The following RTL4 variants were observed in gnomAD, a reference collection of about 807,000 sequenced individuals.
The protein encoded by RTL4 is retrotransposon Gag like 4, also known as retrotransposon Gag-like protein 4.
A neutral mutation model predicts 5.3 loss-of-function variants in RTL4; 4 were observed. The ratio of observed to expected loss-of-function variants is 0.75; its 90% CI spans 0.37 to 1.72. The LOEUF is 1.72. Among genes scored for constraint, RTL4 ranks in the 40% most tolerant of loss-of-function variants. The pLI, the probability that RTL4 is intolerant of heterozygous loss-of-function variation, is 0.04. For missense variants in RTL4, 260 were observed against 227.1 expected (o/e 1.14, Z -0.93); for synonymous variants, 98 against 87.3 (o/e 1.12, Z -0.68).
the RTL4 span, among the ~76,000 whole-genome samples, chrX:112,283,246 C>T: frequency 8.9e-6 from 1 of 111,929 alleles, no homozygotes; most frequent in African/African-American, 3.2e-5. Context: ...ATTCAAATAT[C>T]TATGCTGCCA....
At chrX:112,454,886 C>T (rs199740897) in exon 1 of RTL4, 5 of 1,210,887 alleles carry the variant, frequency 4.1e-6, no homozygotes, top group Middle Eastern at 4.6e-4. Context: ...ACAGTGATGC[C>T]TGTACCATAC....
chrX:112,165,135 A>C, the RTL4 span, among the ~76,000 whole-genome samples: 1 of 111,853 alleles, frequency 8.9e-6, no homozygotes. Context: ...TCGCGCGGTC[A>C]TGGCTATCCT....
chrX:112,442,281 T>A, the RTL4 span, among the ~76,000 whole-genome samples: 1 of 108,316 alleles, frequency 9.2e-6, no homozygotes, highest in African/African-American at 3.4e-5. Flanking sequence ...TGCTCTGTTG[T>A]CTAGGATGGA....
the RTL4 span, among the ~76,000 whole-genome samples, chrX:112,142,666 T>C: frequency 9.9e-5 from 11 of 111,549 alleles, no homozygotes; most frequent in Admixed American, 3.8e-4. Flanking sequence ...AACCATGGAA[T>C]GGGAGACTAC....
the RTL4 span, among the ~76,000 whole-genome samples, chrX:112,142,950 TC>T: frequency 9.0e-6 from 1 of 110,877 alleles, no homozygotes; most frequent in Non-Finnish European, 1.9e-5. Flanking sequence ...TACCTAAGCC[TC>T]CCGAGTAGCT....
chrX:112,117,021 A>C, the RTL4 span, among the ~76,000 whole-genome samples: 1 of 111,930 alleles, frequency 8.9e-6, no homozygotes, highest in Non-Finnish European at 1.9e-5. Context: ...AAGAAACATA[A>C]GTAAATATTT....
chrX:112,320,270 G>C, the RTL4 span: 6 of 111,863 alleles, frequency 5.4e-5, no homozygotes, highest in East Asian at 1.7e-3. Flanking sequence ...GCATTCTTGA[G>C]TTTTACTCCG....
chrX:112,213,239 A>G, the RTL4 span, among the ~76,000 whole-genome samples: 3 of 113,056 alleles, frequency 2.7e-5, no homozygotes, highest in Non-Finnish European at 5.6e-5. Flanking sequence ...TAGGAGTCAC[A>G]TAATGTTGTT....
chrX:112,159,263 G>C, the RTL4 span, among the ~76,000 whole-genome samples: 1 of 112,296 alleles, frequency 8.9e-6, no homozygotes, highest in Non-Finnish European at 1.9e-5. Context: ...GCCAATTTCA[G>C]TTATAGGCAG....
the RTL4 span, among the ~76,000 whole-genome samples, chrX:112,395,282 A>T: frequency 1.8e-5 from 2 of 111,756 alleles, no homozygotes; most frequent in African/African-American, 6.5e-5. Context: ...TTTAACAAAA[A>T]TCCCTGATAA....
the RTL4 span, chrX:112,381,307 G>A: frequency 7.4e-6 from 9 of 1,209,440 alleles, no homozygotes; most frequent in Non-Finnish European, 1.0e-5. Context: ...TCCTTCCACC[G>A]TATCATAGTC....
At chrX:112,339,381 T>G in the RTL4 span, among the ~76,000 whole-genome samples, 4 of 111,907 alleles carry the variant, frequency 3.6e-5, no homozygotes, top group Non-Finnish European at 7.5e-5. Flanking sequence ...GGACAGATGA[T>G]CTACGTGTTC....
the RTL4 span, among the ~76,000 whole-genome samples, chrX:112,257,885 A>G: frequency 5.4e-3 from 567 of 104,257 alleles, 4 homozygotes; most frequent in African/African-American, 0.02. Context: ...ATATATATAT[A>G]TGTGTATATA....
chrX:112,441,854 T>A, the RTL4 span, among the ~76,000 whole-genome samples: 1 of 112,217 alleles, frequency 8.9e-6, no homozygotes, highest in East Asian at 2.8e-4. Context: ...TTATTTGTAA[T>A]GGCCTCACAC....
At chrX:112,107,691 CT>C in the RTL4 span, among the ~76,000 whole-genome samples, 16,409 of 111,153 alleles carry the variant, frequency 0.15, 1,767 homozygotes, top group African/African-American at 0.37. Context: ...CATGTTGGAA[CT>C]TCCCTTATGT....
Position 112,455,540 on chromosome X carries a change from G to A in RTL4, c.812G>A (p.Arg271Gln), listed in dbSNP as rs759522886. ...CAGCTGCCTCTCACCCCAGCCAAACGAGCCCGCCAGCAAGAAACTCAGTTG... is the reference window on the plus strand; with the variant it reads ...CAGCTGCCTCTCACCCCAGCCAAACAAGCCCGCCAGCAAGAAACTCAGTTG... Residue 271 changes from arginine to glutamine, a missense_variant, in exon 1 of 1, where the codon CGA (arginine) becomes CAA (glutamine). Coordinates refer to ENST00000340433, the Ensembl canonical transcript of RTL4. 14 of 1,209,392 alleles carry A rather than the reference G, an allele frequency of 1.2e-5. No homozygotes were observed. The Middle Eastern group carries it at 9.2e-4, about 79-fold the overall frequency.
the RTL4 span, among the ~76,000 whole-genome samples, chrX:112,192,358 A>G: frequency 1.8e-5 from 2 of 110,534 alleles, no homozygotes. Context: ...AAAAGCTTTT[A>G]GTCTTTCACC....
chrX:112,332,086 C>T, the RTL4 span, among the ~76,000 whole-genome samples: 3 of 108,886 alleles, frequency 2.8e-5, no homozygotes, highest in Non-Finnish European at 3.8e-5. Context: ...TGCAGCACAC[C>T]AGCATGGTAC....
the RTL4 span, among the ~76,000 whole-genome samples, chrX:112,260,592 T>A: frequency 4.5e-5 from 5 of 111,862 alleles, no homozygotes; most frequent in African/African-American, 1.6e-4. Context: ...ACACTAATAG[T>A]CAAATTAACA....
Sources: gnomAD v4.1 joint callset for allele counts (sites outside exome capture counted in the v4.1 genomes callset) on GRCh38, gnomAD v4.1.1 for gene constraint, MANE v1.5 for transcripts, NCBI Gene and HGNC (gene_info 2026-07-23, HGNC 2026-07-21) for gene names.